The following COLEC11 variants were observed in gnomAD, a reference collection of about 807,000 sequenced individuals.
COLEC11 encodes collectin subfamily member 11.
A neutral mutation model predicts 27.3 loss-of-function variants in COLEC11; 20 were observed. The ratio of observed to expected loss-of-function variants is 0.73; its 90% CI spans 0.51 to 1.06. COLEC11 has a LOEUF of 1.06. Among genes scored for constraint, COLEC11 ranks in the 50% least tolerant of loss-of-function variants. The pLI is 0.00. For missense variants in COLEC11, 310 were observed against 383.0 expected (o/e 0.81, Z 1.59); for synonymous variants, 163 against 154.7 (o/e 1.05, Z -0.40).
In COLEC11 at chr2:3,607,123, A is replaced by C. The variant is rs192949477; in HGVS notation, c.130+2653A>C. Among the ~76,000 whole-genome samples the C allele has an allele frequency of 8.6e-4, 131 of 151,486 alleles. 1 individual carries two copies. The highest frequency in any genetic ancestry group is 3.0e-3 in the African/African-American group (125 of 41,346). On this transcript the variant is annotated intron_variant, in intron 2 of 6. Coordinates refer to ENST00000349077, the MANE Select transcript of COLEC11 (RefSeq NM_024027.5). ...GTTTTGGATCCTGAAACCTCTGCCAACTCCACATTTGGCTGGAGAATCTTC... is the reference window on the plus strand; with the variant it reads ...GTTTTGGATCCTGAAACCTCTGCCACCTCCACATTTGGCTGGAGAATCTTC...
chr2:3,631,379 G>C (rs1461914013), intron 3 of COLEC11, among the ~76,000 whole-genome samples: 9 of 152,216 alleles, frequency 5.9e-5, no homozygotes, highest in Non-Finnish European at 1.3e-4. Flanking sequence ...CTTTGTGGAG[G>C]GCCAAAGAAC....
intron 2 of COLEC11, among the ~76,000 whole-genome samples, chr2:3,609,375 T>TGA (rs1663014050): frequency 7.0e-6 from 1 of 142,034 alleles, no homozygotes; most frequent in African/African-American, 2.6e-5. Context: ...TTTTTTTTTT[T>TGA]TTTTTTTTTT....
At chr2:3,625,387 G>A (rs984963987) in intron 3 of COLEC11, among the ~76,000 whole-genome samples, 1 of 152,122 alleles carries the variant, frequency 6.6e-6, no homozygotes, top group African/African-American at 2.4e-5. Context: ...GCTGCCTTGT[G>A]GTGGGTGGGG....
At chr2:3,596,541 G>A (rs1003348468) in intron 1 of COLEC11, among the ~76,000 whole-genome samples, 3 of 152,070 alleles carry the variant, frequency 2.0e-5, no homozygotes, top group African/African-American at 7.2e-5. Context: ...GTTTCACCAT[G>A]TTGGCCAGGC....
Position 3,643,891 on chromosome 2 carries a change from G to T in COLEC11, c.589G>T (p.Gly197Cys). ...GLMAAYLAQA[G>C]LARVFIGIND... ...GATGGCCGCATACCTGGCGCAAGCC[G>T]GCCTGGCCCGTGTCTTCATCGGCAT... is the stretch of plus-strand genomic sequence containing the variant. Residue 197 changes from glycine (G) to cysteine (C), a missense_variant, in exon 7 of 7, where the codon GGC (glycine) becomes TGC (cysteine). Transcript: ENST00000349077. 1 of 1,613,934 alleles carries T rather than the reference G, an allele frequency of 6.2e-7. No individual in the cohort carries two copies. The highest frequency in any genetic ancestry group is 8.5e-7 in the Non-Finnish European group (1 of 1,180,042).
At chr2:3,597,826 G>A (rs1236319841) in intron 1 of COLEC11, among the ~76,000 whole-genome samples, 1 of 152,238 alleles carries the variant, frequency 6.6e-6, no homozygotes, top group Non-Finnish European at 1.5e-5. Flanking sequence ...TGAGGCAGGA[G>A]CCGGGGAGAC....
chr2:3,627,565 C>T (rs12475572), intron 3 of COLEC11, among the ~76,000 whole-genome samples: 73,669 of 149,116 alleles, frequency 0.49, 20,229 homozygotes, highest in South Asian at 0.66. Context: ...GGCATGATGA[C>T]GGTCTGCATC....
chr2:3,638,192 A>C (rs1340358228), intron 4 of COLEC11, among the ~76,000 whole-genome samples: 2 of 152,144 alleles, frequency 1.3e-5, no homozygotes, highest in African/African-American at 4.8e-5. Flanking sequence ...GCCTCCCGTG[A>C]TGAGAGACTG....
intron 3 of COLEC11, among the ~76,000 whole-genome samples, chr2:3,620,342 A>G (rs1411399438): frequency 2.0e-5 from 3 of 151,986 alleles, no homozygotes; most frequent in Non-Finnish European, 4.4e-5. Flanking sequence ...TTTTTGATGT[A>G]TAATTATTCG....
At chr2:3,635,114 ATCCCCTGC>A (rs1665303263) in intron 3 of COLEC11, among the ~76,000 whole-genome samples, 1 of 13,796 alleles carries the variant, frequency 7.2e-5, no homozygotes, top group Non-Finnish European at 1.7e-4. Flanking sequence ...CCTGTCCCCC[ATCCCCTGC>A]CTGTCCCCCT....
At chr2:3,636,073 T>G (rs903337057) in intron 3 of COLEC11, among the ~76,000 whole-genome samples, 37 of 152,304 alleles carry the variant, frequency 2.4e-4, no homozygotes, top group African/African-American at 7.9e-4. Flanking sequence ...AAAACAAGAC[T>G]AGGAGTTCCT....
chr2:3,610,843 T>G (rs566646666), intron 2 of COLEC11, among the ~76,000 whole-genome samples: 107 of 152,364 alleles, frequency 7.0e-4, no homozygotes, highest in African/African-American at 2.3e-3. Flanking sequence ...CCTCATTTTA[T>G]TCTTGCGTCC....
chr2:3,606,373 AT>A, intron 2 of COLEC11: 1 of 777,040 alleles, frequency 1.3e-6, no homozygotes, highest in Non-Finnish European at 2.1e-6. Context: ...ATGTGCTGTC[AT>A]TTCCCACATG....
intron 2 of COLEC11, among the ~76,000 whole-genome samples, chr2:3,612,362 C>T (rs190759902): frequency 5.9e-5 from 9 of 152,220 alleles, no homozygotes; most frequent in Admixed American, 1.3e-4. Context: ...ACTACAGAGC[C>T]GAGTCCCAGC....
chr2:3,642,236 G>A (rs114908675), intron 5 of COLEC11, among the ~76,000 whole-genome samples: 1 of 152,310 alleles, frequency 6.6e-6, no homozygotes, highest in African/African-American at 2.4e-5. Context: ...CTGTCTGCCT[G>A]GGCCCAGATC....
chr2:3,612,882 G>A (rs1663328815), intron 2 of COLEC11, among the ~76,000 whole-genome samples: 3 of 152,140 alleles, frequency 2.0e-5, no homozygotes, highest in Admixed American at 2.0e-4. Flanking sequence ...TGCTGACATA[G>A]TTCATCCTTC....
At chr2:3,604,782 G>C (rs561703494) in intron 2 of COLEC11, among the ~76,000 whole-genome samples, 2 of 152,292 alleles carry the variant, frequency 1.3e-5, no homozygotes, top group African/African-American at 4.8e-5. Context: ...TCCTCCCCAT[G>C]AGATGATCTC....
At chr2:3,625,461 G>A (rs1044222574) in intron 3 of COLEC11, among the ~76,000 whole-genome samples, 1 of 151,964 alleles carries the variant, frequency 6.6e-6, no homozygotes, top group African/African-American at 2.4e-5. Context: ...CGTAATTCAG[G>A]GTTTCTGAAA....
At chr2:3,605,952 C>T in intron 2 of COLEC11, 2 of 1,049,208 alleles carry the variant, frequency 1.9e-6, no homozygotes, top group South Asian at 1.6e-5. Flanking sequence ...CAGACAAGCC[C>T]AGTGGCCTTT....
Sources: allele counts gnomAD v4.1 joint callset (sites outside exome capture counted in the v4.1 genomes callset), GRCh38; gene constraint gnomAD v4.1.1; transcripts MANE v1.5; gene names NCBI Gene and HGNC (gene_info 2026-07-23, HGNC 2026-07-21).